The following LATS1 variants were observed in gnomAD, a reference collection of about 807,000 sequenced individuals.
LATS1 encodes the protein large tumor suppressor kinase 1.
In LATS1, 25 loss-of-function variants were observed where a neutral mutation model predicts 106.6. The observed-to-expected ratio is 0.23, with a 90% CI of 0.17 to 0.33. LATS1 has a LOEUF of 0.33. Ranked by LOEUF, LATS1 falls within the 10% of genes least tolerant of loss-of-function variation. The pLI, the probability that LATS1 is intolerant of heterozygous loss-of-function variation, is 1.00. For missense variants in LATS1, 1,040 were observed against 1,382.6 expected (o/e 0.75, Z 3.93); for synonymous variants, 465 against 455.6 (o/e 1.02, Z -0.26).
At chr6:149,709,484 G>T (rs1234797862) in intron 1 of LATS1, among the ~76,000 whole-genome samples, 1 of 152,070 alleles carries the variant, frequency 6.6e-6, no homozygotes, top group Admixed American at 6.6e-5. Context: ...CCTTTTGCCT[G>T]ATCCAGGAGA....
Position 149,680,051 on chromosome 6 carries a change from C to T in LATS1, c.2417G>A (p.Arg806Gln), listed in dbSNP as rs775204857. The T allele has an allele frequency of 1.5e-5, 24 of 1,613,756 alleles. No individual in the cohort carries two copies. The highest frequency in any genetic ancestry group is 8.9e-5 in the East Asian group (4 of 44,882). ...RMGIFPESLA[R>Q]FYIAELTCAV... ...ACAGGTAAGTTCTGCTATGTAGAAT[C>T]GTGCCAGACTTTCTGGAAAGATGCC... The change falls in exon 5 of 8, where the codon CGA (arginine) becomes CAA (glutamine). Residue 806 changes from arginine (R) to glutamine (Q), a missense_variant. Coordinates refer to ENST00000543571, the MANE Select transcript of LATS1 (RefSeq NM_004690.4).
chr6:149,672,077 G>C (rs1476767743), intron 7 of LATS1, among the ~76,000 whole-genome samples: 2 of 151,680 alleles, frequency 1.3e-5, no homozygotes, highest in African/African-American at 4.9e-5. Flanking sequence ...ATTTTTAGTA[G>C]AGATGGGGTT....
chr6:149,660,487 TAAGAA>T lies in LATS1; in HGVS notation c.*1237_*1241del, dbSNP rs1780845622. ...AAAACAATCCCTTATCAGTGGAGCT[TAAGAA>T]AAGGAAATAAAACACAACACAAATT... On this transcript the variant is annotated 3_prime_UTR_variant, in exon 8 of 8. Coordinates refer to ENST00000543571, the MANE Select transcript of LATS1 (RefSeq NM_004690.4). The T allele has an allele frequency of 2.1e-5, 5 of 233,082 alleles. No individual in the cohort carries two copies. The Admixed American group carries it at 2.2e-4, about 10-fold the overall frequency. The allele number at this position is 233,082 out of a possible 1,614,324, so 14.4% of individuals were successfully genotyped here.
chr6:149,707,362 G>A (rs1783842805), intron 1 of LATS1, among the ~76,000 whole-genome samples: 1 of 152,078 alleles, frequency 6.6e-6, no homozygotes, highest in African/African-American at 2.4e-5. Flanking sequence ...AGAAGACAAT[G>A]GGGTCTGGGG....
Position 149,661,800 on chromosome 6 carries a change from C to T in LATS1, c.3322G>A (p.Glu1108Lys). ...TGATCATCTTCATCCGACTGCTGCTCTGAGCCTTGTGAATTAATGTATTCA... is the reference window on the plus strand; with the variant it reads ...TGATCATCTTCATCCGACTGCTGCTTTGAGCCTTGTGAATTAATGTATTCA... ...EYEYINSQGS[E>K]QQSDEDDQNT... The change falls in exon 8 of 8, where the codon GAG (glutamate) becomes AAG (lysine). Residue 1108 changes from glutamate to lysine, a missense_variant. Physicochemically the swap from Glu to Lys is moderately conservative, Grantham distance 56. Coordinates refer to ENST00000543571, the MANE Select transcript of LATS1 (RefSeq NM_004690.4). 1 of 1,610,880 alleles carries T rather than the reference C, an allele frequency of 6.2e-7. No homozygotes were observed. Among genetic ancestry groups the T allele is most frequent in the East Asian group, 2.2e-5 (1 of 44,862 alleles).
intron 5 of LATS1, among the ~76,000 whole-genome samples, chr6:149,678,480 T>C (rs1418402211): frequency 7.2e-5 from 11 of 152,250 alleles, no homozygotes; most frequent in Non-Finnish European, 1.5e-4. Flanking sequence ...CAGTCGAATC[T>C]GGGAAGACAC....
At chr6:149,700,063 C>CCCT (rs1251888854) in intron 2 of LATS1, among the ~76,000 whole-genome samples, 1 of 152,170 alleles carries the variant, frequency 6.6e-6, no homozygotes, top group Non-Finnish European at 1.5e-5. Context: ...CCAGGTCCTT[C>CCCT]CCTCCTCCTC....
At chr6:149,700,301 C>T (rs576499778) in intron 2 of LATS1, among the ~76,000 whole-genome samples, 1 of 152,080 alleles carries the variant, frequency 6.6e-6, no homozygotes, top group African/African-American at 2.4e-5. Context: ...TGGTGAAACC[C>T]CATCTCTACT....
At chr6:149,673,096 CT>C (rs199602290) in intron 7 of LATS1, among the ~76,000 whole-genome samples, 1,367 of 119,064 alleles carry the variant, frequency 0.011, 15 homozygotes, top group African/African-American at 0.041. Context: ...CTTTTCTTTT[CT>C]TTTTTTTTTT....
rs1434175725 is a variant in LATS1 at position 149,717,838 on chromosome 6, C to A, written c.-141+11G>T. ...GGAGGAGCGCACCCGCTACGCCAGC[C>A]CCGGACCTACCTGGAGGGGAGAGCA... On this transcript the variant is annotated intron_variant, in intron 1 of 7. Coordinates refer to ENST00000543571, the MANE Select transcript of LATS1 (RefSeq NM_004690.4). The A allele has an allele frequency of 2.2e-5, 7 of 311,596 alleles. No homozygotes were observed. The highest frequency in any genetic ancestry group is 4.3e-5 in the Non-Finnish European group (7 of 161,188). The allele number at this position is 311,596 out of a possible 1,614,324, so 19.3% of individuals were successfully genotyped here.
chr6:149,712,621 G>A (rs569222309), intron 1 of LATS1, among the ~76,000 whole-genome samples: 1 of 152,278 alleles, frequency 6.6e-6, no homozygotes, highest in Non-Finnish European at 1.5e-5. Flanking sequence ...AAAGTGCTGG[G>A]ATTACAGGTG....
intron 1 of LATS1, among the ~76,000 whole-genome samples, chr6:149,713,460 A>G (rs957671115): frequency 1.3e-5 from 2 of 149,658 alleles, no homozygotes; most frequent in Non-Finnish European, 3.0e-5. Context: ...ACACCCGGCT[A>G]ATTTTTTGTA....
chr6:149,701,815 T>C lies in LATS1; in HGVS notation c.312A>G (p.Gln104=), dbSNP rs1783478443. ...SSRSTSEVNP[Q]MLQDLQAAGF... ...CAGCAGCTTGCAAGTCTTGAAGCAT[T>C]TGTGGATTAACTTCTGAAGTACTCC... Residue 104 remains glutamine (Q), a synonymous_variant, in exon 2 of 8, where the codon CAA becomes CAG. Transcript: ENST00000543571. 1 of 1,613,884 alleles carries C rather than the reference T, an allele frequency of 6.2e-7. No individual in the cohort carries two copies. Among genetic ancestry groups the C allele is most frequent in the East Asian group, 2.2e-5 (1 of 44,874 alleles).
chr6:149,666,486 C>CGA (rs1035319161), intron 7 of LATS1, among the ~76,000 whole-genome samples: 85 of 151,554 alleles, frequency 5.6e-4, no homozygotes, highest in African/African-American at 2.0e-3. Context: ...GGTGTGGTGG[C>CGA]GAGCAACTGT....
At chr6:149,669,732 G>A (rs1269024486) in intron 7 of LATS1, among the ~76,000 whole-genome samples, 1 of 151,734 alleles carries the variant, frequency 6.6e-6, no homozygotes. Flanking sequence ...GCACTCCAGC[G>A]TGGGCGACAG....
At chr6:149,705,584 CAGAG>C (rs140872506) in intron 1 of LATS1, among the ~76,000 whole-genome samples, 7 of 148,046 alleles carry the variant, frequency 4.7e-5, no homozygotes, top group South Asian at 2.1e-4. Context: ...ATCATTCTGA[CAGAG>C]AGAGAGAGAG....
chr6:149,703,872 G>C (rs1476022842), intron 1 of LATS1, among the ~76,000 whole-genome samples: 1 of 152,218 alleles, frequency 6.6e-6, no homozygotes, highest in East Asian at 1.9e-4. Context: ...AGTATGTGAA[G>C]ATGTAGGCTG....
intron 3 of LATS1, among the ~76,000 whole-genome samples, chr6:149,689,319 T>A (rs747272203): frequency 6.6e-6 from 1 of 151,528 alleles, no homozygotes; most frequent in Non-Finnish European, 1.5e-5. Flanking sequence ...GACAAGGAAT[T>A]TGGAAGAATA....
At chr6:149,688,458 A>G (rs988904531) in intron 3 of LATS1, among the ~76,000 whole-genome samples, 13 of 151,796 alleles carry the variant, frequency 8.6e-5, no homozygotes, top group Admixed American at 8.5e-4. Context: ...ACAGGCGCCC[A>G]CCACCACGCC....
Sources: allele counts gnomAD v4.1 joint callset (sites outside exome capture counted in the v4.1 genomes callset), GRCh38; gene constraint gnomAD v4.1.1; transcripts MANE v1.5; gene names NCBI Gene and HGNC (gene_info 2026-07-23, HGNC 2026-07-21).